GPSM2: variants seen among roughly 807,000 people sequenced by gnomAD.
GPSM2 encodes G protein-signaling modulator 2.
In GPSM2, 58 loss-of-function variants were observed where a neutral mutation model predicts 78.4. The ratio of observed to expected loss-of-function variants is 0.74; its 90% CI spans 0.60 to 0.92. The LOEUF (loss-of-function observed/expected upper bound fraction) is 0.92. Ranked by LOEUF, GPSM2 falls within the 40% of genes least tolerant of loss-of-function variation. The probability of loss-of-function intolerance (pLI) is 0.00; values close to 1 mark genes in which losing one functional copy is unlikely to be tolerated. For missense variants in GPSM2, 700 were observed against 815.5 expected (o/e 0.86, Z 1.73); for synonymous variants, 224 against 280.2 (o/e 0.80, Z 2.00).
At chr1:108,890,939 G>A (rs1647923207) in intron 2 of GPSM2, among the ~76,000 whole-genome samples, 1 of 152,076 alleles carries the variant, frequency 6.6e-6, no homozygotes, top group Non-Finnish European at 1.5e-5. Flanking sequence ...TGTGATAATG[G>A]TATTGTGATT....
intron 10 of GPSM2, among the ~76,000 whole-genome samples, chr1:108,913,018 A>G (rs559006359): frequency 1.3e-5 from 2 of 152,300 alleles, no homozygotes; most frequent in Non-Finnish European, 2.9e-5. Context: ...TACTGGTAGA[A>G]ACTTATGAGG....
chr1:108,913,685 G>C (rs1010097615), intron 10 of GPSM2, among the ~76,000 whole-genome samples: 10 of 152,082 alleles, frequency 6.6e-5, no homozygotes, highest in Non-Finnish European at 1.5e-4. Flanking sequence ...TTATACAAGG[G>C]GAGTTTAATG....
At chr1:108,892,453 G>C (rs893690177) in intron 2 of GPSM2, among the ~76,000 whole-genome samples, 1 of 152,134 alleles carries the variant, frequency 6.6e-6, no homozygotes, top group Non-Finnish European at 1.5e-5. Flanking sequence ...TAGCTAAAAT[G>C]TTCACTCTAT....
chr1:108,897,228 A>C, intron 3 of GPSM2, 143 bp downstream of exon 3: 1 of 728,424 alleles, frequency 1.4e-6, no homozygotes, highest in Non-Finnish European at 2.3e-6. Flanking sequence ...ACTAACCTTT[A>C]GGCTGAACAC....
chr1:108,891,664 A>ATTTTTTT (rs58295802), intron 2 of GPSM2, among the ~76,000 whole-genome samples: 1 of 117,208 alleles, frequency 8.5e-6, no homozygotes, highest in African/African-American at 3.5e-5. Context: ...CAGCCAGCTA[A>ATTTTTTT]TTTTTTTTTT....
At position 108,897,004 on chromosome 1, in the gene GPSM2, G is replaced by A. The variant is rs1389531438; in HGVS notation, c.197G>A (p.Ser66Asn). The change falls in exon 3 of 15, where the codon AGC becomes AAC. Residue 66 changes from serine to asparagine, a missense_variant. By Grantham distance (46) the Ser-to-Asn change is conservative (BLOSUM62 1). Transcript: ENST00000264126. ...CTAAAAACACTTAGCGCTATTTACA[G>A]CCAGTTGGGCAATGCTTATTTCTAT... Reference protein sequence around the residue: ...EDLKTLSAIYSQLGNAYFYLH... With the variant: ...EDLKTLSAIYNQLGNAYFYLH... 1 of 1,613,820 alleles carries A rather than the reference G, an allele frequency of 6.2e-7. No individual in the cohort carries two copies. Among genetic ancestry groups the A allele is most frequent in the Admixed American group, 1.7e-5 (1 of 60,012 alleles).
chr1:108,890,952 A>AT (rs1316360735), intron 2 of GPSM2, among the ~76,000 whole-genome samples: 3 of 152,210 alleles, frequency 2.0e-5, no homozygotes, highest in African/African-American at 7.2e-5. Context: ...TTGTGATTGT[A>AT]TTTTTTGAAA....
intron 12 of GPSM2, 44 bp downstream of exon 12, chr1:108,918,833 A>C (rs1284057434): frequency 7.6e-7 from 1 of 1,321,232 alleles, no homozygotes; most frequent in Admixed American, 1.7e-5. Flanking sequence ...TTGAGTACCG[A>C]CATTTGGGTT....
At chr1:108,900,334 G>A (rs539865236) in intron 7 of GPSM2, among the ~76,000 whole-genome samples, 3 of 151,340 alleles carry the variant, frequency 2.0e-5, no homozygotes, top group South Asian at 2.1e-4. Flanking sequence ...CGGCCTCCCC[G>A]GTTCAAGCGA....
At chr1:108,903,541 C>T (rs925715821) in intron 9 of GPSM2, among the ~76,000 whole-genome samples, 1 of 152,110 alleles carries the variant, frequency 6.6e-6, no homozygotes, top group Non-Finnish European at 1.5e-5. Flanking sequence ...GAAGGAAAAG[C>T]ATGGTTCTTA....
intron 12 of GPSM2, among the ~76,000 whole-genome samples, chr1:108,920,692 C>T: frequency 6.6e-6 from 1 of 152,012 alleles, no homozygotes. Context: ...TCTGGGGTAG[C>T]TATGACTAAT....
At chr1:108,881,588 G>C (rs1158633095) in intron 1 of GPSM2, among the ~76,000 whole-genome samples, 2 of 152,106 alleles carry the variant, frequency 1.3e-5, no homozygotes, top group African/African-American at 2.4e-5. Flanking sequence ...AGAATTGCTT[G>C]TTTGTTCAGT....
intron 10 of GPSM2, among the ~76,000 whole-genome samples, chr1:108,911,099 A>C (rs1401655175): frequency 1.3e-5 from 2 of 150,218 alleles, no homozygotes; most frequent in East Asian, 3.8e-4. Flanking sequence ...TGCAAGAGAA[A>C]TATCTAATAT....
intron 7 of GPSM2, among the ~76,000 whole-genome samples, chr1:108,899,483 A>C (rs543856185): frequency 6.6e-6 from 1 of 152,238 alleles, no homozygotes; most frequent in South Asian, 2.1e-4. Flanking sequence ...CCTCTTATTG[A>C]GCAGTTCTCC....
In GPSM2 at chr1:108,931,516, ATTC is replaced by A. The variant is rs777281187; in HGVS notation, c.*1579_*1581del. Reference sequence around the variant, plus strand: ...ATGGGATCTGGGGATGTGGACCCCTATTCTTTCAAAAAGTCATTCAGGTGATTT... The same window carrying A: ...ATGGGATCTGGGGATGTGGACCCCTATTTCAAAAAGTCATTCAGGTGATTT... On this transcript the variant is annotated 3_prime_UTR_variant, in exon 15 of 15. Transcript: ENST00000264126. 7.4e-5 allele frequency: 114 copies of A among 1,532,358 alleles called. No individual in the cohort carries two copies. The highest frequency in any genetic ancestry group is 1.7e-4 in the Middle Eastern group (1 of 5,936). 94.9% of individuals were successfully genotyped at this position (1,532,358 alleles called of 1,614,324 possible). A position where few individuals can be genotyped will look rare whatever the true frequency, so the allele number is the denominator to read the frequency against.
Position 108,897,616 on chromosome 1 carries a change from C to T in GPSM2, c.403C>T (p.Leu135Phe). 6.2e-7 allele frequency: 1 copy of T among 1,613,508 alleles called. No homozygotes were observed. ...GCGACACCTAGATATTTCCAGAGAG[C>T]TTAATGACAAGGTAATACCGCAGCA... ...CQRHLDISRE[L>F]NDKVGEARAL... Residue 135 changes from leucine (L) to phenylalanine (F), a missense_variant, in exon 4 of 15, where the codon CTT becomes TTT. By Grantham distance (22) the Leu-to-Phe change is conservative. Coordinates refer to ENST00000264126, the MANE Select transcript of GPSM2 (RefSeq NM_013296.5).
chr1:108,894,633 G>A (rs1272577595), intron 2 of GPSM2, among the ~76,000 whole-genome samples: 1 of 152,156 alleles, frequency 6.6e-6, no homozygotes, highest in African/African-American at 2.4e-5. Context: ...AGGAGGCAGA[G>A]GTTGCAGTTA....
rs1208467307 is a variant in GPSM2 at position 108,932,173 on chromosome 1, C to T, written c.*2233C>T. 1 of 152,202 alleles carries T rather than the reference C, an allele frequency of 6.6e-6. No individual in the cohort carries two copies. Among genetic ancestry groups the T allele is most frequent in the South Asian group, 2.1e-4 (1 of 4,832 alleles). 9.4% of individuals were successfully genotyped at this position (152,202 alleles called of 1,614,324 possible). A position where few individuals can be genotyped will look rare whatever the true frequency, so the allele number is the denominator to read the frequency against. ...TCTGTAATCCTAGCTACTCGGGAGA[C>T]TGAGGCAGGAGAATCTCTTGAACCT... On this transcript the variant is annotated 3_prime_UTR_variant, in exon 15 of 15. Coordinates refer to ENST00000264126, the MANE Select transcript of GPSM2 (RefSeq NM_013296.5).
At chr1:108,902,209 C>T (rs913606899) in intron 8 of GPSM2, among the ~76,000 whole-genome samples, 2 of 151,920 alleles carry the variant, frequency 1.3e-5, no homozygotes, top group Admixed American at 1.3e-4. Context: ...GGTGAAACCC[C>T]GTATCTACTA....
Sources: gnomAD v4.1 joint callset for allele counts (sites outside exome capture counted in the v4.1 genomes callset) on GRCh38, gnomAD v4.1.1 for gene constraint, MANE v1.5 for transcripts, NCBI Gene and HGNC (gene_info 2026-07-23, HGNC 2026-07-21) for gene names.